Variants in CADM1 observed in about 807,000 individuals in gnomAD.
The protein encoded by CADM1 is cell adhesion molecule 1.
Under a neutral mutation model 53.1 loss-of-function variants are expected in CADM1, and 15 were observed. The observed-to-expected ratio is 0.28, with a 90% CI of 0.19 to 0.44. The LOEUF (loss-of-function observed/expected upper bound fraction) is 0.44. Ranked by LOEUF, CADM1 falls within the 20% of genes least tolerant of loss-of-function variation. The pLI, the probability that CADM1 is intolerant of heterozygous loss-of-function variation, is 1.00. For missense variants in CADM1, 434 were observed against 611.3 expected (o/e 0.71, Z 3.06); for synonymous variants, 281 against 243.0 (o/e 1.16, Z -1.45).
intron 1 of CADM1, among the ~76,000 whole-genome samples, chr11:115,342,447 G>C (rs1945473081): frequency 6.6e-6 from 1 of 152,174 alleles, no homozygotes; most frequent in Admixed American, 6.5e-5. Context: ...TGGAGGAACA[G>C]AGTGAGTGGA....
intron 1 of CADM1, among the ~76,000 whole-genome samples, chr11:115,312,519 C>G (rs1363583885): frequency 6.6e-6 from 1 of 152,142 alleles, no homozygotes; most frequent in South Asian, 2.1e-4. Flanking sequence ...AGGAAAAACA[C>G]CTACTTCTAC....
intron 3 of CADM1, among the ~76,000 whole-genome samples, chr11:115,234,631 G>A (rs541771311): frequency 1.3e-5 from 2 of 152,196 alleles, no homozygotes; most frequent in East Asian, 1.9e-4. Context: ...AGTGGCTCAC[G>A]CCTGTAATGC....
chr11:115,265,486 C>T (rs1425854480), intron 1 of CADM1, among the ~76,000 whole-genome samples: 1 of 152,054 alleles, frequency 6.6e-6, no homozygotes, highest in Non-Finnish European at 1.5e-5. Flanking sequence ...GCTATTTAGC[C>T]CTGCCTCTAT....
At chr11:115,200,452 C>T (rs944744515) in intron 8 of CADM1, among the ~76,000 whole-genome samples, 3 of 152,184 alleles carry the variant, frequency 2.0e-5, no homozygotes, top group African/African-American at 7.2e-5. Flanking sequence ...AATCAACACT[C>T]TGGCTCATTA....
intron 1 of CADM1, among the ~76,000 whole-genome samples, chr11:115,345,315 C>A (rs991486915): frequency 1.3e-5 from 2 of 152,180 alleles, no homozygotes; most frequent in African/African-American, 4.8e-5. Context: ...TACAGCAATA[C>A]ACACAGATGT....
rs1286287310 is a variant in CADM1, at chr11:115,172,741, TTTTTTTTTTTTTTTTTTA to T, written c.*3715_*3732del. The T allele has an allele frequency of 0.012, 824 of 71,208 alleles. 21 individuals are homozygous for T. Among genetic ancestry groups the T allele is most frequent in the African/African-American group, 0.046 (771 of 16,858 alleles). 4.4% of individuals were successfully genotyped at this position (71,208 alleles called of 1,614,324 possible). Reference sequence around the variant, plus strand: ...GCATATCTGATTTTTTTTTTTTTTTTTTTTTTTTTTTTTTTTTAACAGAGACAGGTAAGAGACCAGGCC... The same window carrying T: ...GCATATCTGATTTTTTTTTTTTTTTTACAGAGACAGGTAAGAGACCAGGCC... On this transcript the variant is annotated 3_prime_UTR_variant, in exon 12 of 12. Coordinates refer to ENST00000331581, the MANE Select transcript of CADM1 (RefSeq NM_001301043.2).
chr11:115,458,849 G>A (rs1948734890), intron 1 of CADM1, among the ~76,000 whole-genome samples: 1 of 151,980 alleles, frequency 6.6e-6, no homozygotes. Context: ...TCTAAGTTAA[G>A]GCATACATCC....
At chr11:115,278,083 A>G (rs1193775966) in intron 1 of CADM1, among the ~76,000 whole-genome samples, 1 of 151,902 alleles carries the variant, frequency 6.6e-6, no homozygotes, top group Non-Finnish European at 1.5e-5. Context: ...TTCCCTCACC[A>G]CTATATCCTG....
intron 1 of CADM1, among the ~76,000 whole-genome samples, chr11:115,252,501 T>C (rs1157377584): frequency 2.0e-5 from 3 of 152,214 alleles, no homozygotes; most frequent in Non-Finnish European, 4.4e-5. Flanking sequence ...TATCAAACAT[T>C]TATATTGAAT....
At chr11:115,325,747 G>C (rs1944942944) in intron 1 of CADM1, among the ~76,000 whole-genome samples, 1 of 152,114 alleles carries the variant, frequency 6.6e-6, no homozygotes, top group Non-Finnish European at 1.5e-5. Flanking sequence ...AAATCACCAA[G>C]AGCTGAATAC....
intron 1 of CADM1, among the ~76,000 whole-genome samples, chr11:115,338,485 C>T (rs1283656666): frequency 6.6e-6 from 1 of 152,112 alleles, no homozygotes; most frequent in African/African-American, 2.4e-5. Context: ...AAGGTACACA[C>T]CAGTGTACTC....
intron 1 of CADM1, among the ~76,000 whole-genome samples, chr11:115,400,561 GATATATATATATATATA>G (rs1239730184): frequency 1.3e-4 from 17 of 129,274 alleles, no homozygotes; most frequent in Non-Finnish European, 2.4e-4. Context: ...ATATGGTGGT[GATATATATATATATATA>G]ATATATATAT....
chr11:115,443,487 A>AT (rs1948374195), intron 1 of CADM1, among the ~76,000 whole-genome samples: 2 of 152,190 alleles, frequency 1.3e-5, no homozygotes, highest in Non-Finnish European at 2.9e-5. Context: ...AGTTCTTAAT[A>AT]TCATTAGTAA....
At chr11:115,384,741 CA>C (rs1353573092) in intron 1 of CADM1, among the ~76,000 whole-genome samples, 4 of 152,146 alleles carry the variant, frequency 2.6e-5, no homozygotes, top group Admixed American at 2.6e-4. Context: ...CTAACACCTA[CA>C]AACGTACAGT....
At chr11:115,375,881 A>C (rs1410262647) in intron 1 of CADM1, among the ~76,000 whole-genome samples, 3 of 152,192 alleles carry the variant, frequency 2.0e-5, no homozygotes, top group Non-Finnish European at 4.4e-5. Flanking sequence ...TATTAAATTC[A>C]TATTTGCTGG....
intron 9 of CADM1, among the ~76,000 whole-genome samples, chr11:115,194,562 G>T (rs759232990): frequency 6.6e-6 from 1 of 152,154 alleles, no homozygotes; most frequent in Non-Finnish European, 1.5e-5. Flanking sequence ...AAACTCATTG[G>T]GGATATGAAA....
chr11:115,310,554 T>C (rs1944505403), intron 1 of CADM1, among the ~76,000 whole-genome samples: 2 of 152,078 alleles, frequency 1.3e-5, no homozygotes, highest in South Asian at 4.1e-4. Flanking sequence ...TTCTACAGGA[T>C]TGTAAAATTA....
Position 115,232,013 on chromosome 11 carries a change from TAACAAC to T in CADM1, c.425-529_425-524del, listed in dbSNP as rs1555045692. On this transcript the variant is annotated intron_variant, in intron 3 of 11. Transcript: ENST00000331581. The stretch of plus-strand genomic sequence containing the variant: ...ATAATAATAATAATAATAATAATAA[TAACAAC>T]AACAACAACAACAACCAATGTCTCA... 1.0e-3 allele frequency among the ~76,000 whole-genome samples: 152 copies of T among 146,972 alleles called. 2 individuals are homozygous for T. The Middle Eastern group carries it at 0.036, about 35-fold the overall frequency.
At chr11:115,469,932 C>T (rs531801199) in intron 1 of CADM1, among the ~76,000 whole-genome samples, 48 of 152,304 alleles carry the variant, frequency 3.2e-4, no homozygotes, top group Non-Finnish European at 5.9e-4. Context: ...CTCGGCCTCC[C>T]AAATTGCTGG....
Sources: allele counts gnomAD v4.1 joint callset (sites outside exome capture counted in the v4.1 genomes callset), GRCh38; gene constraint gnomAD v4.1.1; transcripts MANE v1.5; gene names NCBI Gene and HGNC (gene_info 2026-07-23, HGNC 2026-07-21).